CLASP2: variants seen among roughly 807,000 people sequenced by gnomAD.
The protein encoded by CLASP2 is cytoplasmic linker associated protein 2.
In CLASP2, 47 loss-of-function variants were observed where a neutral mutation model predicts 194.4. That is an observed-to-expected ratio of 0.24 (90% CI 0.19 to 0.31). CLASP2 has a LOEUF of 0.31. CLASP2 is among the 10% of genes least tolerant of loss of function. The pLI, the probability that CLASP2 is intolerant of heterozygous loss-of-function variation, is 1.00. For missense variants in CLASP2, 1,445 were observed against 1,823.6 expected (o/e 0.79, Z 3.78); for synonymous variants, 619 against 633.5 (o/e 0.98, Z 0.34).
intron 20 of CLASP2, among the ~76,000 whole-genome samples, chr3:33,593,072 A>T (rs1408691978): frequency 6.6e-6 from 1 of 152,204 alleles, no homozygotes; most frequent in South Asian, 2.1e-4. Flanking sequence ...GAGGAAATAC[A>T]TATCACATAA....
Position 33,581,826 on chromosome 3 carries a change from G to A in CLASP2, c.2342C>T (p.Pro781Leu). 6.2e-7 allele frequency: 1 copy of A among 1,611,818 alleles called. No homozygotes were observed. Among genetic ancestry groups the A allele is most frequent in the Non-Finnish European group, 8.5e-7 (1 of 1,178,384 alleles). ...RDTSPVRSFQ[P>L]LGPGYGISQS... Reference sequence around the variant, plus strand: ...ACACCTGCCCGAATACGTACCGAGGGGCTGAAAAGAGCGAACAGGACTTGT... The same window carrying A: ...ACACCTGCCCGAATACGTACCGAGGAGCTGAAAAGAGCGAACAGGACTTGT... Residue 781 changes from proline (P) to leucine (L), a missense_variant, in exon 23 of 39, where the codon CCC (proline) becomes CTC (leucine). By Grantham distance (98) the Pro-to-Leu change is moderately conservative. Coordinates refer to ENST00000682230, the MANE Select transcript of CLASP2 (RefSeq NM_001365631.1).
intron 34 of CLASP2, among the ~76,000 whole-genome samples, chr3:33,517,981 ATTG>A (rs1394777331): frequency 2.0e-5 from 3 of 152,176 alleles, no homozygotes; most frequent in African/African-American, 7.2e-5. Context: ...TCAGTCACTG[ATTG>A]TTGTTGAATC....
chr3:33,616,064 T>C (rs746903190), intron 12 of CLASP2, among the ~76,000 whole-genome samples: 5 of 151,046 alleles, frequency 3.3e-5, no homozygotes, highest in Non-Finnish European at 5.9e-5. Context: ...ACTAAAGAAT[T>C]AGAAAAATTA....
chr3:33,659,384 C>A, intron 7 of CLASP2: 1 of 1,040,346 alleles, frequency 9.6e-7, no homozygotes, highest in Non-Finnish European at 1.2e-6. Context: ...AAACACAAGG[C>A]ATGTGTTCAG....
Position 33,684,355 on chromosome 3 carries a change from TTACC to T in CLASP2, c.644_644+3del. On this transcript the variant is annotated splice_donor_variant and splice_donor_region_variant and coding_sequence_variant and intron_variant, in exon 6 of 39. Transcript: ENST00000682230. LOFTEE classifies it high-confidence loss of function. Reference sequence around the variant, plus strand: ...AAAAAAGAACCAAATTTAGCAAGACTTACCTAGCAGGGGGAATTCCTCTCTTATA... The same window carrying T: ...AAAAAAGAACCAAATTTAGCAAGACTTAGCAGGGGGAATTCCTCTCTTATA... 6.4e-7 allele frequency: 1 copy of T among 1,552,908 alleles called. No homozygotes were observed. The highest frequency in any genetic ancestry group is 8.7e-7 in the Non-Finnish European group (1 of 1,148,942).
intron 7 of CLASP2, among the ~76,000 whole-genome samples, chr3:33,661,984 A>C (rs1251148580): frequency 6.6e-6 from 1 of 152,184 alleles, no homozygotes; most frequent in Non-Finnish European, 1.5e-5. Context: ...TATGACTTTA[A>C]CTTTCACATT....
intron 20 of CLASP2, among the ~76,000 whole-genome samples, chr3:33,594,412 G>A (rs922733657): frequency 6.6e-6 from 1 of 151,948 alleles, no homozygotes; most frequent in Non-Finnish European, 1.5e-5. Context: ...TTTTTAAGGT[G>A]AACTAGCTCA....
chr3:33,594,327 AAGAC>A (rs1560207602), intron 20 of CLASP2, among the ~76,000 whole-genome samples: 1 of 152,160 alleles, frequency 6.6e-6, no homozygotes, highest in Non-Finnish European at 1.5e-5. Flanking sequence ...AGGTTTTAAA[AAGAC>A]AGACTTCAGG....
intron 34 of CLASP2, among the ~76,000 whole-genome samples, chr3:33,531,730 G>A (rs573021123): frequency 8.0e-4 from 122 of 152,234 alleles, no homozygotes; most frequent in African/African-American, 2.7e-3. Flanking sequence ...AGCCAAGATC[G>A]CGCCATTGCA....
intron 8 of CLASP2, among the ~76,000 whole-genome samples, chr3:33,635,252 C>A (rs953627893): frequency 6.6e-6 from 1 of 150,922 alleles, no homozygotes; most frequent in Non-Finnish European, 1.5e-5. Context: ...GGTGACAGAG[C>A]GAGACTCTGT....
chr3:33,534,187 A>G (rs1243372670), intron 34 of CLASP2, among the ~76,000 whole-genome samples: 2 of 152,216 alleles, frequency 1.3e-5, no homozygotes, highest in African/African-American at 4.8e-5. Flanking sequence ...GTGTATAGTT[A>G]TATATTACTA....
intron 6 of CLASP2, among the ~76,000 whole-genome samples, chr3:33,682,576 G>T (rs2090018511): frequency 6.6e-6 from 1 of 151,942 alleles, no homozygotes; most frequent in South Asian, 2.1e-4. Context: ...TGAAGAAAAA[G>T]AAATACTTTA....
chr3:33,581,066 A>C (rs922494953), intron 23 of CLASP2, among the ~76,000 whole-genome samples: 7 of 151,858 alleles, frequency 4.6e-5, no homozygotes, highest in Non-Finnish European at 7.4e-5. Flanking sequence ...AAGAAAAAAA[A>C]TCTAAAATGG....
At chr3:33,541,710 TACC>T (rs2058394177) in intron 32 of CLASP2, among the ~76,000 whole-genome samples, 1 of 152,216 alleles carries the variant, frequency 6.6e-6, no homozygotes, top group East Asian at 1.9e-4. Flanking sequence ...GGTGTATAGA[TACC>T]ACATTTTCTT....
chr3:33,677,987 T>C (rs2089125869), intron 6 of CLASP2, among the ~76,000 whole-genome samples: 1 of 149,212 alleles, frequency 6.7e-6, no homozygotes, highest in African/African-American at 2.5e-5. Context: ...AATGTCCTTA[T>C]TGGGCTTATT....
At chr3:33,620,957 C>A (rs2076997355) in intron 11 of CLASP2, among the ~76,000 whole-genome samples, 1 of 151,186 alleles carries the variant, frequency 6.6e-6, no homozygotes, top group South Asian at 2.1e-4. Flanking sequence ...TAGTATACAT[C>A]TAGACTCATG....
chr3:33,510,719 T>C lies in CLASP2; in HGVS notation c.4156A>G (p.Ile1386Val), dbSNP rs377235240. The C allele has an allele frequency of 6.2e-5, 100 of 1,613,202 alleles. No individual in the cohort carries two copies. The highest frequency in any genetic ancestry group is 1.5e-4 in the African/African-American group (11 of 74,922). Residue 1386 changes from isoleucine (I) to valine (V), a missense_variant, in exon 37 of 39, where the codon ATT becomes GTT. By Grantham distance (29) the Ile-to-Val change is conservative. Coordinates refer to ENST00000682230, the MANE Select transcript of CLASP2 (RefSeq NM_001365631.1). ...ACTTTGATGCACTGCTCTGGACTAA[T>C]TGAAGTGGCCAACACTGATGCCGCT... ...EEAASVLATS[I>V]SPEQCIKVLC... is the part of the protein sequence containing the mutation.
Position 33,501,720 on chromosome 3 carries a change from G to C in CLASP2, c.4366C>G (p.Leu1456Val). 2 of 1,613,822 alleles carry C rather than the reference G, an allele frequency of 1.2e-6. No homozygotes were observed. The highest frequency in any genetic ancestry group is 1.7e-6 in the Non-Finnish European group (2 of 1,179,808). The change falls in exon 38 of 39, where the codon CTG becomes GTG. Residue 1456 changes from leucine (L) to valine (V), a missense_variant. By Grantham distance (32) the Leu-to-Val change is conservative (BLOSUM62 1). Around this residue, in one of 4 missense-constraint regions of CLASP2, gnomAD observed 732 missense variants for 987.9 expected, o/e 0.74. Coordinates refer to ENST00000682230, the MANE Select transcript of CLASP2 (RefSeq NM_001365631.1). Reference protein sequence around the residue: ...SSVRKACVFCLVAVHAVIGDE... With the variant: ...SSVRKACVFCVVAVHAVIGDE... ...CCAATTACCGCATGAACAGCCACCA[G>C]GCAGAAGACACAAGCTTTCCGAACA...
At chr3:33,615,949 C>A (rs1400024036) in intron 12 of CLASP2, among the ~76,000 whole-genome samples, 1 of 150,734 alleles carries the variant, frequency 6.6e-6, no homozygotes, top group Non-Finnish European at 1.5e-5. Flanking sequence ...CAGAAGAAAA[C>A]CCAAAGCCTT....
Sources: gnomAD v4.1 joint callset for allele counts (sites outside exome capture counted in the v4.1 genomes callset) on GRCh38, gnomAD v4.1.1 for gene constraint, gnomAD v4.1.1 regional missense constraint, MANE v1.5 for transcripts, NCBI Gene and HGNC (gene_info 2026-07-23, HGNC 2026-07-21) for gene names.